Variants in KDM4C observed in about 807,000 individuals in gnomAD.
The protein encoded by KDM4C is lysine demethylase 4C, also known as lysine-specific demethylase 4C.
In KDM4C, 81 loss-of-function variants were observed where a neutral mutation model predicts 129.3. The observed-to-expected ratio is 0.63, with a 90% CI of 0.52 to 0.75. KDM4C has a LOEUF of 0.75. Ranked by LOEUF, KDM4C falls within the 30% of genes least tolerant of loss-of-function variation. The pLI is 0.00. For synonymous variants in KDM4C, 573 were observed against 456.1 expected (o/e 1.26, Z -3.26); for missense variants, 1,457 against 1,304.0 (o/e 1.12, Z -1.81).
At chr9:7,079,673 A>G (rs1834310789) in intron 17 of KDM4C, among the ~76,000 whole-genome samples, 1 of 152,108 alleles carries the variant, frequency 6.6e-6, no homozygotes, top group Admixed American at 6.6e-5. Context: ...ACCTCTATAA[A>G]TGGCACTTAC....
At chr9:7,010,640 C>A (rs1299161764) in intron 12 of KDM4C, among the ~76,000 whole-genome samples, 1 of 152,236 alleles carries the variant, frequency 6.6e-6, no homozygotes, top group South Asian at 2.1e-4. Context: ...CTCTGATGTA[C>A]TGCCCTCTGC....
chr9:7,170,947 A>AGG, intron 21 of KDM4C: 1 of 203,386 alleles, frequency 4.9e-6, no homozygotes, highest in Non-Finnish European at 8.6e-6. Flanking sequence ...AGCAAAAAAA[A>AGG]ACTCATAATG....
intron 15 of KDM4C, among the ~76,000 whole-genome samples, chr9:7,028,624 G>C (rs1826197734): frequency 6.6e-6 from 1 of 152,062 alleles, no homozygotes; most frequent in South Asian, 2.1e-4. Flanking sequence ...CAGTGGCTCT[G>C]AGCCCAGTCC....
At chr9:6,913,487 A>G (rs1172806594) in intron 8 of KDM4C, among the ~76,000 whole-genome samples, 1 of 152,216 alleles carries the variant, frequency 6.6e-6, no homozygotes, top group Non-Finnish European at 1.5e-5. Context: ...CTGGTGAAGA[A>G]TACGTTTCAT....
At chr9:6,964,188 C>T (rs1423672124) in intron 8 of KDM4C, among the ~76,000 whole-genome samples, 1 of 152,160 alleles carries the variant, frequency 6.6e-6, no homozygotes, top group Non-Finnish European at 1.5e-5. Flanking sequence ...GTGCTGCACC[C>T]ATTAACTCAT....
chr9:6,966,001 A>G (rs10815495), intron 8 of KDM4C, among the ~76,000 whole-genome samples: 46,418 of 152,078 alleles, frequency 0.31, 8,214 homozygotes, highest in East Asian at 0.72. Flanking sequence ...AAAGGATAAA[A>G]AGCATATGAC....
chr9:6,898,567 C>T (rs927054757), intron 8 of KDM4C, among the ~76,000 whole-genome samples: 1 of 152,260 alleles, frequency 6.6e-6, no homozygotes, highest in East Asian at 1.9e-4. Context: ...TCCAGGAGTA[C>T]TACCTTACTA....
chr9:7,165,709 C>T (rs1426623999), intron 20 of KDM4C, among the ~76,000 whole-genome samples: 2 of 152,238 alleles, frequency 1.3e-5, no homozygotes, highest in Non-Finnish European at 2.9e-5. Context: ...ACAGCGATGG[C>T]CACTCTTCAA....
At chr9:6,789,220 T>TC (rs1826067666) in intron 1 of KDM4C, among the ~76,000 whole-genome samples, 1 of 145,184 alleles carries the variant, frequency 6.9e-6, no homozygotes, top group Admixed American at 6.9e-5. Context: ...CCTGGCTAAT[T>TC]TTTTTTTTTT....
chr9:7,021,411 C>G (rs1032508433), intron 15 of KDM4C, among the ~76,000 whole-genome samples: 1 of 152,124 alleles, frequency 6.6e-6, no homozygotes, highest in Non-Finnish European at 1.5e-5. Flanking sequence ...TCCCAAAGTG[C>G]TGGGATTACA....
chr9:6,960,031 A>T (rs1054573924), intron 8 of KDM4C, among the ~76,000 whole-genome samples: 3 of 151,902 alleles, frequency 2.0e-5, no homozygotes, highest in Non-Finnish European at 4.4e-5. Flanking sequence ...CGATTAAAGT[A>T]ATCCTCCCAA....
At chr9:6,891,952 T>C (rs1846172385) in intron 7 of KDM4C, among the ~76,000 whole-genome samples, 1 of 152,194 alleles carries the variant, frequency 6.6e-6, no homozygotes, top group Non-Finnish European at 1.5e-5. Flanking sequence ...TTTTATTATA[T>C]GTACATTATA....
chr9:6,952,043 G>C (rs949622426), intron 8 of KDM4C, among the ~76,000 whole-genome samples: 2 of 152,146 alleles, frequency 1.3e-5, no homozygotes, highest in Non-Finnish European at 2.9e-5. Context: ...TTATAAGGCT[G>C]AACTTAAATG....
intron 8 of KDM4C, chr9:6,925,413 CCTTTCCCCTTCCTCCTTTCCCCTTTTCCT>C: frequency 1.0e-6 from 1 of 975,654 alleles, no homozygotes; most frequent in Non-Finnish European, 1.2e-6. Context: ...CTTCCCTTTC[CCTTTCCCCTTCCTCCTTTCCCCTTTTCCT>C]CTTCCCCCTT....
At chr9:6,976,574 A>G in intron 8 of KDM4C, among the ~76,000 whole-genome samples, 1 of 152,192 alleles carries the variant, frequency 6.6e-6, no homozygotes, top group Non-Finnish European at 1.5e-5. Context: ...GGGGGATGTT[A>G]GGCACTTTCG....
intron 15 of KDM4C, among the ~76,000 whole-genome samples, chr9:7,034,037 G>A (rs1231694600): frequency 6.6e-6 from 1 of 151,966 alleles, no homozygotes; most frequent in Non-Finnish European, 1.5e-5. Flanking sequence ...TGGTGGTGGG[G>A]CATCAGTTGG....
chr9:6,969,958 C>T (rs1256851874), intron 8 of KDM4C, among the ~76,000 whole-genome samples: 1 of 152,198 alleles, frequency 6.6e-6, no homozygotes, highest in African/African-American at 2.4e-5. Flanking sequence ...TGTAGGATAA[C>T]AAGCTACCGA....
chr9:6,742,763 G>T (rs915886457), intron 1 of KDM4C, among the ~76,000 whole-genome samples: 1 of 151,744 alleles, frequency 6.6e-6, no homozygotes, highest in African/African-American at 2.4e-5. Context: ...TTGAACCCCG[G>T]GGCCTTTGAC....
chr9:6,995,913 C>T (rs1819639968), intron 12 of KDM4C, among the ~76,000 whole-genome samples: 2 of 152,222 alleles, frequency 1.3e-5, no homozygotes, highest in South Asian at 4.1e-4. Flanking sequence ...CGTGATCTGC[C>T]CACCTCGGCC....
Sources: allele counts gnomAD v4.1 joint callset (sites outside exome capture counted in the v4.1 genomes callset), GRCh38; gene constraint gnomAD v4.1.1; transcripts MANE v1.5; gene names NCBI Gene and HGNC (gene_info 2026-07-23, HGNC 2026-07-21).